Variants in ADGRB1 observed in about 807,000 individuals in gnomAD.
ADGRB1 encodes the protein adhesion G protein-coupled receptor B1, also known as brain-specific angiogenesis inhibitor 1.
In ADGRB1, 36 loss-of-function variants were observed where a neutral mutation model predicts 175.7. The observed-to-expected ratio is 0.20, with a 90% CI of 0.16 to 0.27. The LOEUF (loss-of-function observed/expected upper bound fraction) is 0.27, where lower values mean the gene tolerates loss of function less well. Among genes scored for constraint, ADGRB1 ranks in the 10% least tolerant of loss-of-function variants. ADGRB1 has a pLI of 1.00. For synonymous variants in ADGRB1, 1,054 were observed against 979.4 expected (o/e 1.08, Z -1.42); for missense variants, 1,731 against 2,255.3 (o/e 0.77, Z 4.71).
In ADGRB1 at chr8:142,521,065, C is replaced by T. The variant is rs1419273410; in HGVS notation, c.3024+140C>T. 6 of 779,638 alleles carry T rather than the reference C, an allele frequency of 7.7e-6. No individual in the cohort carries two copies. In the African/African-American group the frequency reaches 8.7e-5, roughly 11 times the overall value. The allele number at this position is 779,638 out of a possible 1,614,324, so 48.3% of individuals were successfully genotyped here. A position where few individuals can be genotyped will look rare whatever the true frequency, so the allele number is the denominator to read the frequency against. Reference sequence around the variant, plus strand: ...GGGCAGGAGGAGGCTGCCCCAGCTACAGGGAGTTCCCTGCCCTCTGCTGTG... The same window carrying T: ...GGGCAGGAGGAGGCTGCCCCAGCTATAGGGAGTTCCCTGCCCTCTGCTGTG... On this transcript the variant is annotated intron_variant, in intron 20 of 30. Coordinates refer to ENST00000517894, the MANE Select transcript of ADGRB1 (RefSeq NM_001702.3).
intron 1 of ADGRB1, among the ~76,000 whole-genome samples, chr8:142,459,059 C>G (rs1839832998): frequency 6.6e-6 from 1 of 152,166 alleles, no homozygotes; most frequent in South Asian, 2.1e-4. Context: ...TGAGCCTCTC[C>G]CACCCTGTCA....
At chr8:142,481,224 A>C in intron 9 of ADGRB1, 30 bp from the exon 10 acceptor site, 1 of 1,602,114 alleles carries the variant, frequency 6.2e-7, no homozygotes, top group Non-Finnish European at 8.5e-7. Context: ...GGCAGCGGGC[A>C]TCCACCTGAG....
chr8:142,489,236 T>C (rs1221486143), intron 15 of ADGRB1, 100 bp from the exon 16 acceptor site: 1 of 1,541,918 alleles, frequency 6.5e-7, no homozygotes, highest in African/African-American at 1.4e-5. Context: ...CTGTGGAGGG[T>C]GGCGGCGGGT....
intron 6 of ADGRB1, 99 bp downstream of exon 6, chr8:142,477,648 C>G: frequency 7.0e-7 from 1 of 1,429,556 alleles, no homozygotes; most frequent in South Asian, 1.4e-5. Flanking sequence ...TTGCCCACTC[C>G]AGACCCACCT....
rs1426260995 is a variant in ADGRB1 at position 142,457,699 on chromosome 8, A to G, written c.-219-6281A>G. 2.0e-5 allele frequency among the ~76,000 whole-genome samples: 3 copies of G among 152,130 alleles called. No homozygotes were observed. In the East Asian group the frequency reaches 5.8e-4, roughly 29 times the overall value. ...GGGTGTGGTTGGCACAAGCTGGGGTAGGACAGGTGGCATCTGGGGGTCACC... is the reference window on the plus strand; with the variant it reads ...GGGTGTGGTTGGCACAAGCTGGGGTGGGACAGGTGGCATCTGGGGGTCACC... On this transcript the variant is annotated intron_variant, in intron 1 of 30. Transcript: ENST00000517894.
intron 2 of ADGRB1, among the ~76,000 whole-genome samples, chr8:142,467,879 T>A (rs1414588662): frequency 6.6e-6 from 1 of 152,192 alleles, no homozygotes; most frequent in African/African-American, 2.4e-5. Flanking sequence ...GCAGAAGCGA[T>A]GTTGACGATG....
chr8:142,476,763 G>A, intron 4 of ADGRB1, 68 bp downstream of exon 4: 1 of 1,394,898 alleles, frequency 7.2e-7, no homozygotes, highest in Non-Finnish European at 9.7e-7. Flanking sequence ...ATCAATTGCA[G>A]CTAGTTATGG....
chr8:142,534,429 T>G (rs1844811175), intron 25 of ADGRB1, among the ~76,000 whole-genome samples: 1 of 152,172 alleles, frequency 6.6e-6, no homozygotes, highest in Non-Finnish European at 1.5e-5. Flanking sequence ...CAGCTGAAGA[T>G]GGGGATGCCG....
chr8:142,498,979 G>T (rs1040315705), intron 17 of ADGRB1, among the ~76,000 whole-genome samples: 1 of 152,126 alleles, frequency 6.6e-6, no homozygotes, highest in East Asian at 1.9e-4. Context: ...TGGGAGCTTG[G>T]CTGTGGCTCC....
At chr8:142,523,495 G>A (rs922685831) in intron 22 of ADGRB1, among the ~76,000 whole-genome samples, 3 of 152,012 alleles carry the variant, frequency 2.0e-5, no homozygotes, top group Admixed American at 1.3e-4. Context: ...GCAGTAGGGG[G>A]TAGACATAGC....
At chr8:142,527,578 G>A (rs1214142321) in intron 24 of ADGRB1, among the ~76,000 whole-genome samples, 6 of 152,020 alleles carry the variant, frequency 3.9e-5, no homozygotes, top group African/African-American at 9.7e-5. Context: ...TGGGAGTCGC[G>A]GTGCTTTGTC....
intron 25 of ADGRB1, 147 bp downstream of exon 25, chr8:142,533,613 C>A: frequency 1.0e-6 from 1 of 981,628 alleles, no homozygotes; most frequent in Non-Finnish European, 1.4e-6. Flanking sequence ...CTCGGTGGTC[C>A]ACAGAGCGGG....
rs761961908 is a variant in ADGRB1 at position 142,464,371 on chromosome 8, C to T, written c.173C>T (p.Ala58Val). 1 of 1,522,558 alleles carries T rather than the reference C, an allele frequency of 6.6e-7. No homozygotes were observed. The highest frequency in any genetic ancestry group is 8.8e-7 in the Non-Finnish European group (1 of 1,139,252). The allele number at this position is 1,522,558 out of a possible 1,614,324, so 94.3% of individuals were successfully genotyped here. A position where few individuals can be genotyped will look rare whatever the true frequency, so the allele number is the denominator to read the frequency against. Residue 58 changes from alanine (A) to valine (V), a missense_variant, in exon 2 of 31, where the codon GCC (alanine) becomes GTC (valine). Ala to Val is a moderately conservative substitution (Grantham distance 64). Coordinates refer to ENST00000517894, the MANE Select transcript of ADGRB1 (RefSeq NM_001702.3). The stretch of plus-strand genomic sequence containing the variant: ...AAGTTCTTCGGCTACTTCTCCGCGG[C>T]CGCCGTGTTCCCGGCCAACGCCTCG... ...QGKFFGYFSA[A>V]AVFPANASRC...
intron 12 of ADGRB1, 101 bp from the exon 13 acceptor site, chr8:142,484,555 G>A (rs899210503): frequency 3.3e-6 from 4 of 1,227,956 alleles, no homozygotes; most frequent in Non-Finnish European, 3.4e-6. Context: ...AAAATGTTAG[G>A]AAATGGCCAA....
intron 24 of ADGRB1, among the ~76,000 whole-genome samples, chr8:142,532,984 G>C (rs982493803): frequency 6.6e-6 from 1 of 152,118 alleles, no homozygotes; most frequent in African/African-American, 2.4e-5. Context: ...TGGGGAGGGG[G>C]TGCTGGGACC....
rs542478693 is a variant in ADGRB1, at chr8:142,537,133, C to A, written c.3666+51C>A. 3.0e-6 allele frequency: 4 copies of A among 1,344,232 alleles called. No individual in the cohort carries two copies. Among genetic ancestry groups the A allele is most frequent in the South Asian group, 1.7e-5 (1 of 60,000 alleles). 83.3% of individuals were successfully genotyped at this position (1,344,232 alleles called of 1,614,324 possible). A position where few individuals can be genotyped will look rare whatever the true frequency, so the allele number is the denominator to read the frequency against. Reference sequence around the variant, plus strand: ...GGCTGCCCTACCTGCCTCGTACCCCCGCCAAGTGCCTCCAGGCCCTCACCG... The same window carrying A: ...GGCTGCCCTACCTGCCTCGTACCCCAGCCAAGTGCCTCCAGGCCCTCACCG... On this transcript the variant is annotated intron_variant, in intron 26 of 30. Coordinates refer to ENST00000517894, the MANE Select transcript of ADGRB1 (RefSeq NM_001702.3). The surrounding 1 kb of genome is among the most constrained non-coding windows in gnomAD (Gnocchi z 4.6).
chr8:142,460,274 G>A (rs1169621086), intron 1 of ADGRB1, among the ~76,000 whole-genome samples: 1 of 152,212 alleles, frequency 6.6e-6, no homozygotes, highest in Non-Finnish European at 1.5e-5. Flanking sequence ...GGTGAGTGTG[G>A]CAGGTGGGGA....
rs1173929143 is a variant in ADGRB1 at position 142,542,496 on chromosome 8, C to T, written c.4262C>T (p.Pro1421Leu). The change falls in exon 28 of 31, where the codon CCT becomes CTT. Residue 1421 changes from proline to leucine, a missense_variant. By Grantham distance (98) the Pro-to-Leu change is moderately conservative (BLOSUM62 -3). This residue lies in a region of ADGRB1 where 394 missense variants were observed against 410.2 expected (regional missense o/e 0.96). Coordinates refer to ENST00000517894, the MANE Select transcript of ADGRB1 (RefSeq NM_001702.3). The surrounding 1 kb of genome is among the most constrained non-coding windows in gnomAD (Gnocchi z 6.3). ...CCGCCTCCGCCCCCACCGCCACCAC[C>T]TCCCCAGCAGCCCCTGCCCCCACCG... Reference protein sequence around the residue: ...PPPPPPPPPPPPQQPLPPPPN... With the variant: ...PPPPPPPPPPLPQQPLPPPPN... The T allele has an allele frequency of 7.3e-7, 1 of 1,370,932 alleles. No individual in the cohort carries two copies. The allele number at this position is 1,370,932 out of a possible 1,614,324, so 84.9% of individuals were successfully genotyped here. A position where few individuals can be genotyped will look rare whatever the true frequency, so the allele number is the denominator to read the frequency against.
intron 16 of ADGRB1, 53 bp downstream of exon 16, chr8:142,489,491 A>T: frequency 5.1e-6 from 8 of 1,566,032 alleles, no homozygotes; most frequent in Non-Finnish European, 7.0e-6. Flanking sequence ...CGTGTGCGCG[A>T]ATTCTGTCCC....
Sources: allele counts gnomAD v4.1 joint callset (sites outside exome capture counted in the v4.1 genomes callset), GRCh38; gene constraint gnomAD v4.1.1; regional missense constraint gnomAD v4.1.1; non-coding constraint Gnocchi (gnomAD v3.1); transcripts MANE v1.5; gene names NCBI Gene and HGNC (gene_info 2026-07-23, HGNC 2026-07-21).